Variants in GCSH observed in about 807,000 individuals in gnomAD.
GCSH encodes glycine cleavage system protein H, also known as glycine cleavage system H protein, mitochondrial.
In GCSH, 15 loss-of-function variants were observed where a neutral mutation model predicts 21.3. The observed-to-expected ratio is 0.70, with a 90% CI of 0.47 to 1.08. The LOEUF is 1.08. Among genes scored for constraint, GCSH ranks in the 50% least tolerant of loss-of-function variants. GCSH has a pLI of 0.00. For missense variants in GCSH, 179 were observed against 217.5 expected (o/e 0.82, Z 1.11); for synonymous variants, 59 against 84.5 (o/e 0.70, Z 1.66).
intron 2 of GCSH, among the ~76,000 whole-genome samples, chr16:81,089,750 C>G (rs577286411): frequency 9.2e-5 from 14 of 152,304 alleles, no homozygotes; most frequent in South Asian, 2.1e-4. Context: ...CTCATTTTCT[C>G]TTAAACAGTA....
At chr16:81,090,378 G>A (rs1217924990) in intron 2 of GCSH, among the ~76,000 whole-genome samples, 2 of 151,984 alleles carry the variant, frequency 1.3e-5, no homozygotes, top group Non-Finnish European at 2.9e-5. Context: ...AACCATGCCA[G>A]GCTAATTTTT....
At chr16:81,091,261 AC>A in intron 1 of GCSH, 2 of 359,802 alleles carry the variant, frequency 5.6e-6, no homozygotes, top group South Asian at 4.3e-5. Context: ...TTAAAATTCT[AC>A]TTTAATCAAA....
chr16:81,089,453 G>A (rs894610325), intron 2 of GCSH, among the ~76,000 whole-genome samples: 3 of 152,046 alleles, frequency 2.0e-5, no homozygotes, highest in African/African-American at 7.3e-5. Context: ...AGTGTGTTAC[G>A]ATTGCCTACA....
chr16:81,089,062 T>C (rs1482663164), intron 2 of GCSH, among the ~76,000 whole-genome samples: 4 of 152,180 alleles, frequency 2.6e-5, no homozygotes, highest in African/African-American at 9.6e-5. Flanking sequence ...AAGGAAGATA[T>C]AATTGTGATT....
At chr16:81,087,029 T>G (rs114995537) in intron 3 of GCSH, among the ~76,000 whole-genome samples, 1,712 of 152,292 alleles carry the variant, frequency 0.011, 41 homozygotes, top group African/African-American at 0.039. Context: ...TTCATTAGTT[T>G]AAGGATATTA....
chr16:81,085,431 C>T (rs1435291792), intron 3 of GCSH, among the ~76,000 whole-genome samples: 1 of 152,102 alleles, frequency 6.6e-6, no homozygotes, highest in African/African-American at 2.4e-5. Context: ...CAGTAAATAA[C>T]AAATGGTGAT....
intron 1 of GCSH, among the ~76,000 whole-genome samples, chr16:81,092,858 AC>A (rs1449282666): frequency 1.3e-5 from 2 of 151,880 alleles, no homozygotes; most frequent in Non-Finnish European, 2.9e-5. Context: ...CAGGCCGGGC[AC>A]AGTGGCTCAT....
At chr16:81,083,975 AT>A (rs1214813094) in intron 4 of GCSH, 7 of 159,744 alleles carry the variant, frequency 4.4e-5, no homozygotes, top group South Asian at 1.9e-4. Flanking sequence ...ATCATCAGAG[AT>A]TTTTTTTTCT....
chr16:81,093,770 G>A (rs1972446387), intron 1 of GCSH, among the ~76,000 whole-genome samples: 1 of 152,228 alleles, frequency 6.6e-6, no homozygotes, highest in Admixed American at 6.5e-5. Context: ...GAACCTGGGA[G>A]GCAGAGGTTG....
chr16:81,091,068 G>A lies in GCSH; in HGVS notation c.149-388C>T, dbSNP rs193158585. ...CAAATTTGGGGTGATGAGGTTTAGG[G>A]AGGCAGCATAAAGATGGCTCATATA... On this transcript the variant is annotated intron_variant, in intron 1 of 4. Transcript: ENST00000315467. 9 of 457,284 alleles carry A rather than the reference G, an allele frequency of 2.0e-5. No individual in the cohort carries two copies. The East Asian group carries it at 6.1e-4, about 31-fold the overall frequency. 28.3% of individuals were successfully genotyped at this position (457,284 alleles called of 1,614,324 possible).
intron 1 of GCSH, among the ~76,000 whole-genome samples, chr16:81,092,634 T>C (rs1422412481): frequency 4.0e-5 from 6 of 151,432 alleles, no homozygotes; most frequent in Non-Finnish European, 7.4e-5. Context: ...TGCCAGCGAC[T>C]TGGGAAGCTG....
In GCSH at chr16:81,093,110, G is replaced by C. The variant is rs898292196; in HGVS notation, c.149-2430C>G. 5.8e-5 allele frequency among the ~76,000 whole-genome samples: 8 copies of C among 137,462 alleles called. No homozygotes were observed. In the East Asian group the frequency reaches 1.7e-3, roughly 29 times the overall value. The allele number at this position is 137,462 out of a possible 152,430, so 90.2% of individuals were successfully genotyped here. On this transcript the variant is annotated intron_variant, in intron 1 of 4. Coordinates refer to ENST00000315467, the MANE Select transcript of GCSH (RefSeq NM_004483.5). ...TTGCACCATTGCCTGGGCGACTAGCGAAACTTCATCTCCAAAAAAAAAAAA... is the reference window on the plus strand; with the variant it reads ...TTGCACCATTGCCTGGGCGACTAGCCAAACTTCATCTCCAAAAAAAAAAAA...
At chr16:81,087,350 ACT>A (rs950141683) in intron 3 of GCSH, among the ~76,000 whole-genome samples, 2 of 151,910 alleles carry the variant, frequency 1.3e-5, no homozygotes, top group African/African-American at 2.4e-5. Flanking sequence ...ACATGGGGAA[ACT>A]CTGTCTCTAC....
At chr16:81,096,095 G>A (rs1039978883) in intron 1 of GCSH, 36 bp downstream of exon 1, 6 of 1,238,858 alleles carry the variant, frequency 4.8e-6, no homozygotes, top group African/African-American at 3.1e-5. Context: ...GCCCAGGCGG[G>A]GAGGGAGCAG....
chr16:81,096,339 CG>C lies in GCSH; in HGVS notation c.-62del. 1 of 1,319,160 alleles carries C rather than the reference CG, an allele frequency of 7.6e-7. No homozygotes were observed. Among genetic ancestry groups the C allele is most frequent in the South Asian group, 1.8e-5 (1 of 54,216 alleles). The allele number at this position is 1,319,160 out of a possible 1,614,324, so 81.7% of individuals were successfully genotyped here. ...CGGCCACCCGCGCCGGGAGGCGGGG[CG>C]GGGAGGGGCAGTTCGCGGCCGGAGG... On this transcript the variant is annotated 5_prime_UTR_variant, in exon 1 of 5. Transcript: ENST00000315467.
chr16:81,092,862 T>C (rs1972424020), intron 1 of GCSH, among the ~76,000 whole-genome samples: 1 of 151,932 alleles, frequency 6.6e-6, no homozygotes, highest in East Asian at 1.9e-4. Flanking sequence ...CCGGGCACAG[T>C]GGCTCATGCC....
At chr16:81,093,750 A>G (rs1279663045) in intron 1 of GCSH, among the ~76,000 whole-genome samples, 2 of 152,090 alleles carry the variant, frequency 1.3e-5, no homozygotes, top group African/African-American at 4.8e-5. Context: ...CTGAGGCAGG[A>G]GAATCACTTG....
At chr16:81,085,435 T>C (rs1445984725) in intron 3 of GCSH, among the ~76,000 whole-genome samples, 1 of 152,134 alleles carries the variant, frequency 6.6e-6, no homozygotes, top group Non-Finnish European at 1.5e-5. Context: ...AAATAACAAA[T>C]GGTGATGTGC....
At chr16:81,091,417 C>G (rs181148283) in intron 1 of GCSH, among the ~76,000 whole-genome samples, 63 of 152,316 alleles carry the variant, frequency 4.1e-4, no homozygotes, top group African/African-American at 1.4e-3. Context: ...CAGCCCTCGA[C>G]TTACTGAGCA....
Sources: gnomAD v4.1 joint callset for allele counts (sites outside exome capture counted in the v4.1 genomes callset) on GRCh38, gnomAD v4.1.1 for gene constraint, MANE v1.5 for transcripts, NCBI Gene and HGNC (gene_info 2026-07-23, HGNC 2026-07-21) for gene names.